UBE4B: variants seen among roughly 807,000 people sequenced by gnomAD.
The protein encoded by UBE4B is ubiquitination factor E4B, also known as ubiquitin conjugation factor E4 B.
A neutral mutation model predicts 148.1 loss-of-function variants in UBE4B; 27 were observed. The ratio of observed to expected loss-of-function variants is 0.18; its 90% CI spans 0.13 to 0.25. The LOEUF (loss-of-function observed/expected upper bound fraction) is 0.25. Among genes scored for constraint, UBE4B ranks in the 10% least tolerant of loss-of-function variants. UBE4B has a pLI of 1.00. For synonymous variants in UBE4B, 596 were observed against 619.3 expected (o/e 0.96, Z 0.56); for missense variants, 1,170 against 1,662.4 (o/e 0.70, Z 5.15).
chr1:10,084,890 G>C (rs539070826), intron 2 of UBE4B, among the ~76,000 whole-genome samples: 37 of 151,384 alleles, frequency 2.4e-4, no homozygotes, highest in Admixed American at 1.1e-3. Flanking sequence ...TTTTAGTTGA[G>C]ACAGGGTTTC....
chr1:10,059,916 A>C (rs1257914434), intron 1 of UBE4B, among the ~76,000 whole-genome samples: 3 of 152,066 alleles, frequency 2.0e-5, no homozygotes, highest in African/African-American at 7.2e-5. Context: ...GAGGGGTGGC[A>C]ACTCTGGGGT....
chr1:10,138,645 T>TC (rs1291611194), intron 17 of UBE4B, among the ~76,000 whole-genome samples: 2 of 152,336 alleles, frequency 1.3e-5, no homozygotes, highest in East Asian at 3.9e-4. Context: ...ACTTTTTTTT[T>TC]CATGCCTTAG....
chr1:10,039,499 G>A (rs1256772442), intron 1 of UBE4B, among the ~76,000 whole-genome samples: 3 of 151,748 alleles, frequency 2.0e-5, no homozygotes, highest in Admixed American at 6.6e-5. Flanking sequence ...GCATGATCTC[G>A]GCTCACTGCA....
At chr1:10,096,769 G>A (rs1372482465) in intron 3 of UBE4B, among the ~76,000 whole-genome samples, 1 of 151,888 alleles carries the variant, frequency 6.6e-6, no homozygotes, top group African/African-American at 2.4e-5. Context: ...GGCTGGGCGT[G>A]GTGGCTCACG....
chr1:10,106,172 T>C lies in UBE4B; in HGVS notation c.810-25T>C. The C allele has an allele frequency of 6.5e-7, 1 of 1,539,914 alleles. No individual in the cohort carries two copies. The highest frequency in any genetic ancestry group is 8.7e-7 in the Non-Finnish European group (1 of 1,142,864). On this transcript the variant is annotated intron_variant, in intron 6 of 27. Transcript: ENST00000343090. The surrounding 1 kb of genome is among the most constrained non-coding windows in gnomAD (Gnocchi z 4.2). Reference sequence around the variant, plus strand: ...AGTTTTTCTTTGATTTTTCTCTTCTTTCCTCCCTTTCTCAACTAATTTAGC... The same window carrying C: ...AGTTTTTCTTTGATTTTTCTCTTCTCTCCTCCCTTTCTCAACTAATTTAGC...
Position 10,144,987 on chromosome 1 carries a change from C to T in UBE4B, c.2411C>T (p.Pro804Leu), listed in dbSNP as rs1433269361. Residue 804 changes from proline to leucine, a missense_variant, in exon 18 of 28, where the codon CCA becomes CTA. Physicochemically the swap from Pro to Leu is moderately conservative, Grantham distance 98. Coordinates refer to ENST00000343090, the MANE Select transcript of UBE4B (RefSeq NM_001105562.3). ...AATGAAAGCCAATGGAAAGATTCCC[C>T]ACTGGCAACTAGACACCGCGAAATG... ...KNNESQWKDS[P>L]LATRHREMLK... The T allele has an allele frequency of 6.2e-7, 1 of 1,613,668 alleles. No individual in the cohort carries two copies. The highest frequency in any genetic ancestry group is 8.5e-7 in the Non-Finnish European group (1 of 1,179,874).
intron 12 of UBE4B, among the ~76,000 whole-genome samples, chr1:10,129,728 G>A (rs1447363738): frequency 6.6e-6 from 1 of 151,926 alleles, no homozygotes; most frequent in Non-Finnish European, 1.5e-5. Context: ...TTGGCACACT[G>A]CAGCCTACGC....
At chr1:10,057,090 G>T (rs1460481031) in intron 1 of UBE4B, among the ~76,000 whole-genome samples, 5 of 151,994 alleles carry the variant, frequency 3.3e-5, no homozygotes, top group Admixed American at 2.0e-4. Flanking sequence ...GGGATTACAG[G>T]TGTGAGCCAC....
intron 22 of UBE4B, among the ~76,000 whole-genome samples, chr1:10,160,922 G>A (rs1298175154): frequency 2.6e-5 from 4 of 152,112 alleles, no homozygotes; most frequent in African/African-American, 7.2e-5. Context: ...CAGGCTGGGC[G>A]ACAGAGTGAG....
At chr1:10,136,953 A>C in intron 16 of UBE4B, 114 bp from the exon 17 acceptor site, 2 of 1,137,260 alleles carry the variant, frequency 1.8e-6, no homozygotes, top group African/African-American at 3.1e-5. Context: ...ACAAATAAAA[A>C]GTATCTTTAA....
chr1:10,086,479 G>T (rs1644768816), intron 2 of UBE4B, among the ~76,000 whole-genome samples: 1 of 152,086 alleles, frequency 6.6e-6, no homozygotes, highest in Admixed American at 6.6e-5. Flanking sequence ...GAGGTATGGG[G>T]GGACTCAAAA....
chr1:10,045,046 C>T (rs1643885355), intron 1 of UBE4B, among the ~76,000 whole-genome samples: 1 of 152,206 alleles, frequency 6.6e-6, no homozygotes, highest in Non-Finnish European at 1.5e-5. Flanking sequence ...GCATTGGATT[C>T]TCCTAAGGAG....
intron 1 of UBE4B, among the ~76,000 whole-genome samples, chr1:10,041,782 C>T (rs1487657152): frequency 5.3e-5 from 8 of 151,586 alleles, no homozygotes; most frequent in Admixed American, 3.3e-4. Context: ...CTGCAACCTC[C>T]GCCTCCCGAG....
intron 17 of UBE4B, among the ~76,000 whole-genome samples, chr1:10,139,541 G>T (rs902305967): frequency 6.6e-6 from 1 of 152,146 alleles, no homozygotes; most frequent in Non-Finnish European, 1.5e-5. Context: ...AGTTTTCTGT[G>T]TGGGGATGTT....
intron 7 of UBE4B, among the ~76,000 whole-genome samples, chr1:10,113,933 C>T (rs879454828): frequency 2.6e-5 from 4 of 151,982 alleles, no homozygotes; most frequent in Non-Finnish European, 2.9e-5. Context: ...GGCATGGTGG[C>T]GTGTGCCTGT....
chr1:10,164,289 T>TGA (rs1204694277), intron 23 of UBE4B, among the ~76,000 whole-genome samples: 1 of 151,880 alleles, frequency 6.6e-6, no homozygotes, highest in East Asian at 2.0e-4. Flanking sequence ...TGCAGTGAGC[T>TGA]GATACCATGC....
intron 14 of UBE4B, among the ~76,000 whole-genome samples, chr1:10,131,363 G>A (rs1645590357): frequency 1.3e-5 from 2 of 151,976 alleles, no homozygotes; most frequent in African/African-American, 4.8e-5. Flanking sequence ...TGTAATCCCA[G>A]CTACCTAGCT....
At chr1:10,171,521 G>T (rs1216681513) in intron 25 of UBE4B, among the ~76,000 whole-genome samples, 192 bp downstream of exon 25, 2 of 152,194 alleles carry the variant, frequency 1.3e-5, no homozygotes, top group Middle Eastern at 3.2e-3. Flanking sequence ...CAAGGCAGGG[G>T]GATTGCTTGA....
chr1:10,111,682 C>G (rs183844721), intron 7 of UBE4B, among the ~76,000 whole-genome samples: 1 of 152,094 alleles, frequency 6.6e-6, no homozygotes, highest in Admixed American at 6.6e-5. Flanking sequence ...CAAGGCCAGG[C>G]GCGGTGGCTC....
Sources: gnomAD v4.1 joint callset for allele counts (sites outside exome capture counted in the v4.1 genomes callset) on GRCh38, gnomAD v4.1.1 for gene constraint, Gnocchi (gnomAD v3.1) non-coding constraint, MANE v1.5 for transcripts, NCBI Gene and HGNC (gene_info 2026-07-23, HGNC 2026-07-21) for gene names.